GLYATL3: variants seen among roughly 807,000 people sequenced by gnomAD.
GLYATL3 encodes the protein glycine N-acyltransferase-like protein 3.
Under a neutral mutation model 28.5 loss-of-function variants are expected in GLYATL3, and 31 were observed. The ratio of observed to expected loss-of-function variants is 1.09; its 90% confidence interval spans 0.82 to 1.47. The LOEUF is 1.47. Ranked by LOEUF, GLYATL3 falls within the 40% of genes most tolerant of loss-of-function variation. GLYATL3 has a pLI of 0.00. For synonymous variants in GLYATL3, 141 were observed against 140.2 expected, an observed-to-expected ratio of 1.01 and a Z score of -0.04; for missense variants, 369 against 351.5, an observed-to-expected ratio of 1.05 and a Z score of -0.40.
chr6:49,521,281 C>T (rs1284197543), intron 4 of GLYATL3, among the ~76,000 whole-genome samples: 7 of 152,162 alleles, frequency 4.6e-5, no homozygotes, highest in Admixed American at 4.6e-4. Flanking sequence ...ACTTCATAGA[C>T]TTTTAGAGCT....
intron 1 of GLYATL3, among the ~76,000 whole-genome samples, chr6:49,501,643 T>C (rs1172376046): frequency 1.3e-5 from 2 of 152,200 alleles, no homozygotes; most frequent in Non-Finnish European, 2.9e-5. Flanking sequence ...TAACCTATGA[T>C]TAGCAGGATA....
chr6:49,517,590 CT>C, intron 4 of GLYATL3, 34 bp downstream of exon 4: 49 of 1,493,744 alleles, frequency 3.3e-5, no homozygotes, highest in Middle Eastern at 1.7e-4. Context: ...ATTACACAGT[CT>C]TTTTTTTCCT....
At chr6:49,507,606 T>C (rs1276980434) in intron 1 of GLYATL3, among the ~76,000 whole-genome samples, 3 of 152,146 alleles carry the variant, frequency 2.0e-5, no homozygotes, top group Admixed American at 6.5e-5. Context: ...CTGTCAAGAC[T>C]GAAGACCAGT....
At chr6:49,509,116 A>C (rs1769068761) in intron 1 of GLYATL3, among the ~76,000 whole-genome samples, 1 of 152,142 alleles carries the variant, frequency 6.6e-6, no homozygotes, top group Non-Finnish European at 1.5e-5. Context: ...TGAATCATGA[A>C]ACTAATCATA....
chr6:49,500,891 A>G (rs1046307528), intron 1 of GLYATL3, among the ~76,000 whole-genome samples: 2 of 152,226 alleles, frequency 1.3e-5, no homozygotes, highest in Non-Finnish European at 2.9e-5. Flanking sequence ...ACCTTGTGGC[A>G]TTAAAAAAAT....
chr6:49,517,682 AATAC>A lies in GLYATL3; in HGVS notation c.313+132_313+135del, dbSNP rs1219630486. The A allele has an allele frequency of 8.7e-6, 5 of 574,884 alleles. No individual in the cohort carries two copies. In the East Asian group the frequency reaches 1.7e-4, roughly 19 times the overall value. The allele number at this position is 574,884 out of a possible 1,614,324, so 35.6% of individuals were successfully genotyped here. A position where few individuals can be genotyped will look rare whatever the true frequency, so the allele number is the denominator to read the frequency against. Reference sequence around the variant, plus strand: ...TTATCTATACACACCTGTATGTATAAATACATACACATACATTTTATGCATTTAC... The same window carrying A: ...TTATCTATACACACCTGTATGTATAAATACACATACATTTTATGCATTTAC... On this transcript the variant is annotated intron_variant, in intron 4 of 5. Transcript: ENST00000371197.
chr6:49,518,987 T>C (rs1769267639), intron 4 of GLYATL3, among the ~76,000 whole-genome samples: 1 of 152,090 alleles, frequency 6.6e-6, no homozygotes, highest in Non-Finnish European at 1.5e-5. Flanking sequence ...AAAGACCTTA[T>C]GCAAGAAGCT....
rs550723524 is a variant in GLYATL3, at chr6:49,526,466, T to C, written c.441-22T>C. ...CCACATGAGTCTGAGGTCCTATTTG[T>C]TTTTGTGTCATTCTGGTCTAGCAAG... On this transcript the variant is annotated intron_variant, in intron 5 of 5. Transcript: ENST00000371197. 58 of 1,543,580 alleles carry C rather than the reference T, an allele frequency of 3.8e-5. No homozygotes were observed. In the African/African-American group the frequency reaches 7.7e-4, roughly 20 times the overall value.
chr6:49,514,607 G>A (rs1310317628), intron 2 of GLYATL3, among the ~76,000 whole-genome samples: 2 of 152,148 alleles, frequency 1.3e-5, no homozygotes, highest in Non-Finnish European at 2.9e-5. Flanking sequence ...AAGGTGGGAG[G>A]ATCACTTGAA....
intron 2 of GLYATL3, among the ~76,000 whole-genome samples, chr6:49,514,337 T>G (rs1027646185): frequency 6.6e-6 from 1 of 152,234 alleles, no homozygotes; most frequent in African/African-American, 2.4e-5. Flanking sequence ...TTTGTGAAAT[T>G]AATTTCATTG....
intron 2 of GLYATL3, among the ~76,000 whole-genome samples, chr6:49,515,197 G>T (rs1358333301): frequency 2.6e-5 from 4 of 152,156 alleles, no homozygotes; most frequent in Admixed American, 6.5e-5. Context: ...GGTTGAAGAA[G>T]TAGTCGCATT....
chr6:49,524,543 G>C (rs1222312724), intron 5 of GLYATL3, among the ~76,000 whole-genome samples: 3 of 152,086 alleles, frequency 2.0e-5, no homozygotes, highest in Non-Finnish European at 4.4e-5. Flanking sequence ...CTTAATATCA[G>C]GGGCTTTATA....
At chr6:49,507,958 T>C (rs1391554638) in intron 1 of GLYATL3, among the ~76,000 whole-genome samples, 1 of 152,134 alleles carries the variant, frequency 6.6e-6, no homozygotes, top group East Asian at 1.9e-4. Context: ...TTCTTTAACA[T>C]AATATCTGTA....
intron 2 of GLYATL3, among the ~76,000 whole-genome samples, chr6:49,512,423 G>A (rs1454003297): frequency 3.3e-5 from 5 of 151,690 alleles, no homozygotes; most frequent in African/African-American, 1.2e-4. Flanking sequence ...CATGCATTAG[G>A]TATTTGTCCT....
intron 5 of GLYATL3, among the ~76,000 whole-genome samples, chr6:49,522,717 T>C (rs1361045409): frequency 6.6e-6 from 1 of 152,190 alleles, no homozygotes; most frequent in Non-Finnish European, 1.5e-5. Context: ...GTTGAAGAAA[T>C]TGTTGAGCAA....
intron 4 of GLYATL3, among the ~76,000 whole-genome samples, chr6:49,519,956 C>T (rs969413879): frequency 6.6e-6 from 1 of 152,140 alleles, no homozygotes; most frequent in Non-Finnish European, 1.5e-5. Context: ...GTTTCAGAAT[C>T]CTGCTTATTG....
chr6:49,515,567 C>G (rs1769199841), intron 2 of GLYATL3, 86 bp from the exon 3 acceptor site: 1 of 739,820 alleles, frequency 1.4e-6, no homozygotes, highest in African/African-American at 1.7e-5. Flanking sequence ...GACATGATTA[C>G]ACAGTAGAAC....
chr6:49,518,026 G>C (rs763672327), intron 4 of GLYATL3, among the ~76,000 whole-genome samples: 2 of 152,086 alleles, frequency 1.3e-5, no homozygotes, highest in Non-Finnish European at 2.9e-5. Flanking sequence ...GTCCTCAAAT[G>C]ACTGTTTTTT....
intron 4 of GLYATL3, among the ~76,000 whole-genome samples, chr6:49,519,802 C>G (rs1291814323): frequency 6.6e-6 from 1 of 152,184 alleles, no homozygotes; most frequent in Non-Finnish European, 1.5e-5. Flanking sequence ...CAACAAGCTA[C>G]CCAGAGTAGC....
Sources: gnomAD v4.1 joint callset for allele counts (sites outside exome capture counted in the v4.1 genomes callset) on GRCh38, gnomAD v4.1.1 for gene constraint, MANE v1.5 for transcripts, NCBI Gene and HGNC (gene_info 2026-07-23, HGNC 2026-07-21) for gene names.